The following SLC35F4 variants were observed in gnomAD, a reference collection of about 807,000 sequenced individuals.
SLC35F4 encodes solute carrier family 35 member F4.
A neutral mutation model predicts 44.2 loss-of-function variants in SLC35F4; 24 were observed. That is an observed-to-expected ratio of 0.54 (90% CI 0.39 to 0.76). SLC35F4 has a LOEUF of 0.76. SLC35F4 is among the 30% of genes least tolerant of loss of function. The probability of loss-of-function intolerance (pLI) is 0.00; values close to 1 mark genes in which losing one functional copy is unlikely to be tolerated. For missense variants in SLC35F4, 562 were observed against 586.1 expected, an observed-to-expected ratio of 0.96 and a Z score of 0.42; for synonymous variants, 238 against 223.6, an observed-to-expected ratio of 1.06 and a Z score of -0.57.
intron 1 of SLC35F4, among the ~76,000 whole-genome samples, chr14:57,887,921 G>A (rs987374438): frequency 6.6e-6 from 1 of 152,158 alleles, no homozygotes; most frequent in African/African-American, 2.4e-5. Context: ...TTCTGCTCAA[G>A]ATAATTTTTC....
intron 1 of SLC35F4, among the ~76,000 whole-genome samples, chr14:57,674,913 T>C (rs2074639960): frequency 1.3e-5 from 2 of 152,248 alleles, no homozygotes; most frequent in Admixed American, 1.3e-4. Context: ...CTGAGGGAGA[T>C]ACTATCTCTG....
At chr14:57,720,008 T>A (rs2076045412) in intron 1 of SLC35F4, among the ~76,000 whole-genome samples, 1 of 152,190 alleles carries the variant, frequency 6.6e-6, no homozygotes, top group African/African-American at 2.4e-5. Context: ...TTTGAGGGTT[T>A]TTATTATGAA....
At chr14:57,841,774 T>C (rs1227625535) in intron 1 of SLC35F4, among the ~76,000 whole-genome samples, 34 of 152,098 alleles carry the variant, frequency 2.2e-4, no homozygotes, top group Admixed American at 2.2e-3. Flanking sequence ...GTAAACACAT[T>C]GTGCAAGATA....
At chr14:57,880,120 T>G (rs1888501616) in intron 1 of SLC35F4, among the ~76,000 whole-genome samples, 1 of 151,678 alleles carries the variant, frequency 6.6e-6, no homozygotes, top group African/African-American at 2.4e-5. Flanking sequence ...ACAGTAGATC[T>G]TTTGAAATAT....
chr14:57,977,002 T>C (rs1028357908), intron 1 of SLC35F4: 4 of 152,266 alleles, frequency 2.6e-5, no homozygotes, highest in African/African-American at 9.6e-5. Context: ...CAGTAAGACA[T>C]ATATGTGCTA....
intron 1 of SLC35F4, among the ~76,000 whole-genome samples, chr14:57,910,514 G>T (rs1889197107): frequency 6.6e-6 from 1 of 151,976 alleles, no homozygotes; most frequent in South Asian, 2.1e-4. Context: ...AATTTTTTGT[G>T]AATGGATGTC....
chr14:57,642,436 A>G (rs946627631), intron 1 of SLC35F4, among the ~76,000 whole-genome samples: 1 of 152,048 alleles, frequency 6.6e-6, no homozygotes, highest in African/African-American at 2.4e-5. Flanking sequence ...GGCAAATACC[A>G]TATTTTATAA....
At chr14:57,590,970 AG>A (rs1384595584) in intron 2 of SLC35F4, among the ~76,000 whole-genome samples, 1 of 152,264 alleles carries the variant, frequency 6.6e-6, no homozygotes, top group East Asian at 1.9e-4. Flanking sequence ...AAAGGAGAAG[AG>A]AGCCTTGAAA....
chr14:57,623,158 T>C (rs563625927), intron 1 of SLC35F4, among the ~76,000 whole-genome samples: 5 of 152,118 alleles, frequency 3.3e-5, no homozygotes, highest in Non-Finnish European at 7.4e-5. Flanking sequence ...GAGGTTGCAA[T>C]CCTATTCTCT....
At chr14:57,813,095 G>A (rs1218005524) in intron 1 of SLC35F4, among the ~76,000 whole-genome samples, 1 of 152,136 alleles carries the variant, frequency 6.6e-6, no homozygotes, top group Non-Finnish European at 1.5e-5. Flanking sequence ...GCTATGGAAT[G>A]TACATAAGAT....
chr14:57,795,131 G>A (rs888934071), intron 1 of SLC35F4, among the ~76,000 whole-genome samples: 1 of 152,082 alleles, frequency 6.6e-6, no homozygotes, highest in African/African-American at 2.4e-5. Flanking sequence ...TTGGGACTTT[G>A]CATATATTCA....
intron 1 of SLC35F4, among the ~76,000 whole-genome samples, chr14:57,661,573 C>T (rs902478451): frequency 1.3e-5 from 2 of 152,124 alleles, no homozygotes; most frequent in African/African-American, 2.4e-5. Context: ...GCAATCCAAC[C>T]CTACTGATAA....
intron 6 of SLC35F4, among the ~76,000 whole-genome samples, chr14:57,568,146 C>A (rs1193052783): frequency 6.6e-6 from 1 of 152,242 alleles, no homozygotes; most frequent in Non-Finnish European, 1.5e-5. Flanking sequence ...GAGCTCTCTG[C>A]AGTGCACTGG....
At chr14:57,720,823 C>T (rs1026706540) in intron 1 of SLC35F4, among the ~76,000 whole-genome samples, 1 of 151,702 alleles carries the variant, frequency 6.6e-6, no homozygotes, top group African/African-American at 2.4e-5. Context: ...AGTCTAGCCT[C>T]CCAGGCTACA....
At chr14:57,621,938 T>G (rs10144416) in intron 1 of SLC35F4, among the ~76,000 whole-genome samples, 2 of 149,250 alleles carry the variant, frequency 1.3e-5, no homozygotes, top group Non-Finnish European at 3.0e-5. Context: ...GGCTAATAAC[T>G]AGAATCTACA....
intron 1 of SLC35F4, among the ~76,000 whole-genome samples, chr14:57,857,879 G>A (rs1595230828): frequency 6.6e-6 from 1 of 152,148 alleles, no homozygotes; most frequent in East Asian, 1.9e-4. Context: ...GTGCAGTAAA[G>A]CACTGAGAAG....
chr14:57,625,956 A>C (rs549033949), intron 1 of SLC35F4, among the ~76,000 whole-genome samples: 2 of 152,298 alleles, frequency 1.3e-5, no homozygotes, highest in East Asian at 3.9e-4. Context: ...GATAAAGAAA[A>C]TGTGGCACAT....
chr14:57,854,662 A>C (rs967426018), intron 1 of SLC35F4, among the ~76,000 whole-genome samples: 3 of 152,178 alleles, frequency 2.0e-5, no homozygotes, highest in Non-Finnish European at 2.9e-5. Flanking sequence ...TTGGTGCCTG[A>C]GTACCTGCAT....
intron 1 of SLC35F4, among the ~76,000 whole-genome samples, chr14:57,678,836 T>C (rs1321254822): frequency 6.6e-6 from 1 of 152,038 alleles, no homozygotes; most frequent in African/African-American, 2.4e-5. Flanking sequence ...CTCTCCTAAA[T>C]ATATATGCAC....
Sources: gnomAD v4.1 joint callset for allele counts (sites outside exome capture counted in the v4.1 genomes callset) on GRCh38, gnomAD v4.1.1 for gene constraint, MANE v1.5 for transcripts, NCBI Gene and HGNC (gene_info 2026-07-23, HGNC 2026-07-21) for gene names.